MALRD1: variants seen among roughly 807,000 people sequenced by gnomAD.
The protein encoded by MALRD1 is MAM and LDL receptor class A domain containing 1.
Under a neutral mutation model 242.1 loss-of-function variants are expected in MALRD1, and 247 were observed. That is an observed-to-expected ratio of 1.02 (90% confidence interval 0.92 to 1.13). MALRD1 has a LOEUF of 1.13. Ranked by LOEUF, MALRD1 falls within the 50% of genes most tolerant of loss-of-function variation. The pLI, the probability that MALRD1 is intolerant of heterozygous loss-of-function variation, is 0.00. For synonymous variants in MALRD1, 995 were observed against 866.6 expected (o/e 1.15, Z -2.60); for missense variants, 2,989 against 2,533.1 (o/e 1.18, Z -3.86).
intron 38 of MALRD1, among the ~76,000 whole-genome samples, chr10:19,705,759 G>T (rs1589424305): frequency 7.9e-6 from 1 of 126,006 alleles, no homozygotes; most frequent in Admixed American, 9.6e-5. Context: ...CCTGATCTCT[G>T]ATTTTTTCCT....
intron 18 of MALRD1, among the ~76,000 whole-genome samples, chr10:19,246,140 A>T (rs1839034383): frequency 6.6e-6 from 1 of 152,132 alleles, no homozygotes; most frequent in East Asian, 1.9e-4. Flanking sequence ...TAGTTTGCTG[A>T]TACTATCTCA....
intron 28 of MALRD1, among the ~76,000 whole-genome samples, chr10:19,406,394 TG>T (rs1847110581): frequency 6.6e-6 from 1 of 152,208 alleles, no homozygotes; most frequent in Non-Finnish European, 1.5e-5. Context: ...TTTCACTTAA[TG>T]CCAGAATTCG....
chr10:19,623,290 A>C (rs144780770), intron 36 of MALRD1, among the ~76,000 whole-genome samples: 3 of 152,156 alleles, frequency 2.0e-5, no homozygotes, highest in African/African-American at 7.2e-5. Flanking sequence ...ATACACAAAG[A>C]ACTATTTTAA....
At chr10:19,392,798 G>A (rs2130825742) in intron 28 of MALRD1, among the ~76,000 whole-genome samples, 1 of 152,278 alleles carries the variant, frequency 6.6e-6, no homozygotes, top group Admixed American at 6.5e-5. Context: ...AAAGGATGTA[G>A]TTAAAGTTTT....
intron 13 of MALRD1, among the ~76,000 whole-genome samples, chr10:19,168,212 A>G (rs1354969180): frequency 6.6e-6 from 1 of 152,206 alleles, no homozygotes; most frequent in African/African-American, 2.4e-5. Flanking sequence ...AGACGTCATG[A>G]ATACTAGCAG....
intron 36 of MALRD1, among the ~76,000 whole-genome samples, chr10:19,645,018 A>G (rs1840583054): frequency 6.6e-6 from 1 of 152,216 alleles, no homozygotes; most frequent in Non-Finnish European, 1.5e-5. Context: ...CTTGGAATAA[A>G]TCACATTAAT....
intron 38 of MALRD1, among the ~76,000 whole-genome samples, chr10:19,725,419 A>T (rs1018911645): frequency 1.3e-5 from 2 of 152,128 alleles, no homozygotes; most frequent in African/African-American, 4.8e-5. Flanking sequence ...CCATGATTGT[A>T]AGTTACCTGA....
rs1844203133 is a variant in MALRD1 at position 19,347,916 on chromosome 10, A to G, written c.4047A>G (p.Ser1349=). ...CAGCAGATCACACTTTGGGAAATTC[A>G]TCTGGTCATTACATCTTTATAAAGA... is the stretch of plus-strand genomic sequence containing the variant. ...EPAADHTLGN[S]SGHYIFIKSL... Residue 1349 remains serine, a synonymous_variant, in exon 25 of 40, where the codon TCA becomes TCG. Transcript: ENST00000454679. 6.5e-7 allele frequency: 1 copy of G among 1,550,270 alleles called. No homozygotes were observed. The highest frequency in any genetic ancestry group is 2.0e-5 in the Admixed American group (1 of 50,966).
intron 28 of MALRD1, among the ~76,000 whole-genome samples, chr10:19,406,300 G>C (rs920046152): frequency 2.6e-5 from 4 of 152,174 alleles, no homozygotes; most frequent in Non-Finnish European, 5.9e-5. Flanking sequence ...AAAATAGACT[G>C]CATTAGTATC....
Position 19,646,836 on chromosome 10 carries a change from A to G in MALRD1, c.6137+30913A>G, listed in dbSNP as rs76311440. ...GAGAGATAACACATGTTTCACTCTC[A>G]TTTGTGACAGAAGAAAGGGACAGAA... On this transcript the variant is annotated intron_variant, in intron 36 of 39. Transcript: ENST00000454679. 9.2e-3 allele frequency among the ~76,000 whole-genome samples: 1,404 copies of G among 152,274 alleles called. 18 individuals are homozygous for G. The highest frequency in any genetic ancestry group is 0.032 in the African/African-American group (1,316 of 41,554).
At chr10:19,277,118 G>A (rs1488439429) in intron 19 of MALRD1, among the ~76,000 whole-genome samples, 3 of 151,812 alleles carry the variant, frequency 2.0e-5, no homozygotes, top group South Asian at 2.1e-4. Flanking sequence ...TAGAGATGAG[G>A]TTTCACCATG....
At chr10:19,591,350 G>A (rs1340618063) in intron 33 of MALRD1, among the ~76,000 whole-genome samples, 1 of 152,122 alleles carries the variant, frequency 6.6e-6, no homozygotes, top group Non-Finnish European at 1.5e-5. Flanking sequence ...TAAACTTTAT[G>A]GTTGATTCCA....
intron 29 of MALRD1, among the ~76,000 whole-genome samples, chr10:19,459,424 G>A (rs899283827): frequency 6.6e-6 from 1 of 152,174 alleles, no homozygotes; most frequent in East Asian, 1.9e-4. Flanking sequence ...ATTTGAGACA[G>A]GCTTCAGAAG....
chr10:19,632,957 C>G (rs111295463), intron 36 of MALRD1, among the ~76,000 whole-genome samples: 9 of 152,150 alleles, frequency 5.9e-5, no homozygotes, highest in African/African-American at 1.9e-4. Context: ...CTGGGCCAGG[C>G]ACGGTGGCTC....
At chr10:19,498,691 A>G in intron 31 of MALRD1, 45 bp downstream of exon 31, 1 of 1,523,474 alleles carries the variant, frequency 6.6e-7, no homozygotes, top group South Asian at 1.2e-5. Flanking sequence ...CACTCATCTT[A>G]AAGTCTGCTT....
At chr10:19,500,099 T>C (rs1317739798) in intron 31 of MALRD1, among the ~76,000 whole-genome samples, 1 of 152,208 alleles carries the variant, frequency 6.6e-6, no homozygotes, top group Admixed American at 6.5e-5. Context: ...TTGCCAGATT[T>C]TAGTATCAGG....
chr10:19,213,396 G>A (rs142952126), intron 18 of MALRD1, among the ~76,000 whole-genome samples: 2 of 152,024 alleles, frequency 1.3e-5, no homozygotes, highest in Admixed American at 1.3e-4. Flanking sequence ...ACTATGCCCC[G>A]CTAATTTTTG....
chr10:19,450,310 G>T lies in MALRD1; in HGVS notation c.4849G>T (p.Glu1617Ter). 1 of 1,547,758 alleles carries T rather than the reference G, an allele frequency of 6.5e-7. No individual in the cohort carries two copies. Among genetic ancestry groups the T allele is most frequent in the South Asian group, 1.2e-5 (1 of 83,818 alleles). Residue 1617 changes from glutamate (E) to a stop codon, truncating the protein, a stop_gained, in exon 29 of 40, where the codon GAG becomes TAG. Transcript: ENST00000454679. LOFTEE classifies it high-confidence loss of function. ...TGSIQILIKT[E>*]KGLSKVWQES... ...ATACAAACTTCTTTACTTTCAGACA[G>T]AGAAAGGACTATCAAAAGTATGGCA...
Position 19,235,579 on chromosome 10 carries a change from AGAGAG to A in MALRD1, c.2992-22104_2992-22100del, listed in dbSNP as rs1838279299. Among the ~76,000 whole-genome samples, 4 of 3,222 alleles carry A rather than the reference AGAGAG, an allele frequency of 1.2e-3. No homozygotes were observed. In the Admixed American group the frequency reaches 0.014, roughly 11 times the overall value. The allele number at this position is 3,222 out of a possible 152,430, so 2.1% of individuals were successfully genotyped here. On this transcript the variant is annotated intron_variant, in intron 18 of 39. Coordinates refer to ENST00000454679, the MANE Select transcript of MALRD1 (RefSeq NM_001142308.3). Reference sequence around the variant, plus strand: ...CACACACACCCACACCCACACCCACAGAGAGAGAGAGAGAGAGAGAGAGAGAGAGA... The same window carrying A: ...CACACACACCCACACCCACACCCACAAGAGAGAGAGAGAGAGAGAGAGAGA...
Sources: gnomAD v4.1 joint callset for allele counts (sites outside exome capture counted in the v4.1 genomes callset) on GRCh38, gnomAD v4.1.1 for gene constraint, MANE v1.5 for transcripts, NCBI Gene and HGNC (gene_info 2026-07-23, HGNC 2026-07-21) for gene names.